PCDHGA1: variants seen among roughly 807,000 people sequenced by gnomAD.
PCDHGA1 encodes protocadherin gamma-A1.
In PCDHGA1, 32 loss-of-function variants were observed where a neutral mutation model predicts 58.0. The observed-to-expected ratio is 0.55, with a 90% CI of 0.42 to 0.74. The LOEUF (loss-of-function observed/expected upper bound fraction) is 0.74. PCDHGA1 is among the 30% of genes least tolerant of loss of function. The pLI, the probability that PCDHGA1 is intolerant of heterozygous loss-of-function variation, is 0.00. For synonymous variants in PCDHGA1, 498 were observed against 501.1 expected, an observed-to-expected ratio of 0.99 and a Z score of 0.08; for missense variants, 1,205 against 1,182.3, an observed-to-expected ratio of 1.02 and a Z score of -0.28.
chr5:141,399,937 G>A lies in PCDHGA1; in HGVS notation c.2421+66832G>A. 1.9e-6 allele frequency: 3 copies of A among 1,612,360 alleles called. No individual in the cohort carries two copies. The highest frequency in any genetic ancestry group is 2.5e-6 in the Non-Finnish European group (3 of 1,179,744). ...ACACAACGCCTGGCTGTCCTACCAC[G>A]TGCTGCAGGCTAGCGAGCCCGGGCT... On this transcript the variant is annotated intron_variant, in intron 1 of 3. Transcript: ENST00000517417.
At chr5:141,391,561 G>T (rs2092390304) in intron 1 of PCDHGA1, 2 of 152,026 alleles carry the variant, frequency 1.3e-5, no homozygotes. Flanking sequence ...TTTTCCATAT[G>T]CATAAGAAAA....
intron 1 of PCDHGA1, chr5:141,415,979 C>T (rs2095978015): frequency 2.8e-6 from 1 of 351,190 alleles, no homozygotes; most frequent in Middle Eastern, 8.3e-4. Flanking sequence ...TTAAGCAACC[C>T]TCTTGTTCTG....
chr5:141,426,806 T>C (rs1390972821), intron 1 of PCDHGA1: 1 of 456,600 alleles, frequency 2.2e-6, no homozygotes, highest in Non-Finnish European at 4.4e-6. Context: ...TCAGTTCTAA[T>C]GAACATTTCT....
At chr5:141,339,920 A>G (rs1474438099) in intron 1 of PCDHGA1, 10 of 1,614,142 alleles carry the variant, frequency 6.2e-6, no homozygotes, top group Non-Finnish European at 8.5e-6. Flanking sequence ...ATTCCATGAA[A>G]TTGATATTGA....
intron 1 of PCDHGA1, among the ~76,000 whole-genome samples, chr5:141,367,981 T>C (rs908218120): frequency 6.6e-6 from 1 of 152,212 alleles, no homozygotes; most frequent in African/African-American, 2.4e-5. Context: ...TCATCTTAAA[T>C]TAATAGATTT....
intron 1 of PCDHGA1, chr5:141,376,100 G>C (rs772318189): frequency 8.7e-6 from 14 of 1,613,632 alleles, no homozygotes; most frequent in Non-Finnish European, 1.2e-5. Context: ...CGACATCCTG[G>C]CCGACCTGGG....
intron 1 of PCDHGA1, among the ~76,000 whole-genome samples, chr5:141,406,715 A>G (rs2094843333): frequency 6.6e-6 from 1 of 152,252 alleles, no homozygotes; most frequent in Non-Finnish European, 1.5e-5. Flanking sequence ...CTTGCTCAAG[A>G]GAAGTTTCTA....
chr5:141,413,682 C>G, intron 1 of PCDHGA1: 1 of 1,613,798 alleles, frequency 6.2e-7, no homozygotes, highest in South Asian at 1.1e-5. Context: ...TGGGCGTGAA[C>G]TCCCTGCAGA....
intron 1 of PCDHGA1, chr5:141,411,396 C>G (rs985023346): frequency 2.1e-5 from 3 of 145,420 alleles, no homozygotes; most frequent in African/African-American, 5.1e-5. Context: ...ATAGGGAGAC[C>G]CCCCATCTCT....
intron 1 of PCDHGA1, chr5:141,379,057 T>C (rs974258347): frequency 2.0e-5 from 3 of 152,238 alleles, no homozygotes; most frequent in African/African-American, 7.2e-5. Flanking sequence ...TAGAATGGAT[T>C]GGCCACTTGT....
chr5:141,387,421 A>T (rs1379081151), intron 1 of PCDHGA1, among the ~76,000 whole-genome samples: 1 of 152,250 alleles, frequency 6.6e-6, no homozygotes, highest in Non-Finnish European at 1.5e-5. Flanking sequence ...GCTTATGTCA[A>T]TAAATGTTTA....
In PCDHGA1 at chr5:141,490,262, G is replaced by A; in HGVS notation, c.2422-4545G>A. 1.2e-6 allele frequency: 2 copies of A among 1,614,206 alleles called. No homozygotes were observed. Among genetic ancestry groups the A allele is most frequent in the South Asian group, 1.1e-5 (1 of 91,086 alleles). On this transcript the variant is annotated intron_variant, in intron 1 of 3. Transcript: ENST00000517417. The surrounding 1 kb of genome is among the most constrained non-coding windows in gnomAD (Gnocchi z 5.4). ...CACTGTGTGATTCAAGTGGATGTGGGGGATGTCAATGACAATGCCCCAGAG... is the reference window on the plus strand; with the variant it reads ...CACTGTGTGATTCAAGTGGATGTGGAGGATGTCAATGACAATGCCCCAGAG...
chr5:141,342,467 T>G (rs1757164084), intron 1 of PCDHGA1: 2 of 152,238 alleles, frequency 1.3e-5, no homozygotes, highest in South Asian at 4.1e-4. Flanking sequence ...AAAATTATCA[T>G]GTACCAATTG....
chr5:141,364,590 C>G lies in PCDHGA1; in HGVS notation c.2421+31485C>G, dbSNP rs751302023. On this transcript the variant is annotated intron_variant, in intron 1 of 3. Transcript: ENST00000517417. ...CCGCGAAGCGGCAGCTTGGTCACCG[C>G]GGGCAGGATAGACCGGGAGGAGCTC... 2.7e-5 allele frequency: 44 copies of G among 1,614,196 alleles called. 1 individual carries two copies. In the South Asian group the frequency reaches 3.6e-4, roughly 13 times the overall value.
chr5:141,351,989 G>C, intron 1 of PCDHGA1: 1 of 1,611,288 alleles, frequency 6.2e-7, no homozygotes, highest in East Asian at 2.2e-5. Flanking sequence ...GGTGCCACGC[G>C]CCGCAGAGCC....
Position 141,366,617 on chromosome 5 carries a change from T to G in PCDHGA1, c.2421+33512T>G, listed in dbSNP as rs768444252. 5.0e-6 allele frequency: 8 copies of G among 1,614,120 alleles called. No individual in the cohort carries two copies. The African/African-American group carries it at 1.1e-4, about 22-fold the overall frequency. On this transcript the variant is annotated intron_variant, in intron 1 of 3. Transcript: ENST00000517417. ...CCACGAGGTCTCCCTCACCGCGGAC[T>G]CGAGGAAGAGTCACCTGATCTTTCC...
intron 1 of PCDHGA1, among the ~76,000 whole-genome samples, chr5:141,373,240 T>C (rs1021689504): frequency 2.6e-5 from 4 of 152,230 alleles, no homozygotes; most frequent in African/African-American, 9.6e-5. Context: ...TATTTTTACT[T>C]CCCTTTGCAT....
chr5:141,360,354 A>G (rs757199550), intron 1 of PCDHGA1: 8 of 1,613,944 alleles, frequency 5.0e-6, no homozygotes, highest in Non-Finnish European at 6.8e-6. Context: ...CGGAGAAGGA[A>G]TATTTCACAG....
At chr5:141,378,896 TTCTGTTA>T (rs1377436714) in intron 1 of PCDHGA1, 1 of 152,242 alleles carries the variant, frequency 6.6e-6, no homozygotes, top group Non-Finnish European at 1.5e-5. Context: ...AGATAGGAGA[TTCTGTTA>T]TCGACAGTCT....
Sources: gnomAD v4.1 joint callset for allele counts (sites outside exome capture counted in the v4.1 genomes callset) on GRCh38, gnomAD v4.1.1 for gene constraint, Gnocchi (gnomAD v3.1) non-coding constraint, MANE v1.5 for transcripts, NCBI Gene and HGNC (gene_info 2026-07-23, HGNC 2026-07-21) for gene names.